PAFAH2: variants seen among roughly 807,000 people sequenced by gnomAD.
PAFAH2 encodes the protein platelet activating factor acetylhydrolase 2.
Under a neutral mutation model 49.0 loss-of-function variants are expected in PAFAH2, and 42 were observed. That is an observed-to-expected ratio of 0.86 (90% CI 0.67 to 1.11). The LOEUF is 1.11. Ranked by LOEUF, PAFAH2 falls within the 50% of genes least tolerant of loss-of-function variation. The pLI is 0.00. For synonymous variants in PAFAH2, 184 were observed against 181.3 expected (o/e 1.01, Z -0.12); for missense variants, 503 against 501.8 (o/e 1.00, Z -0.02).
Position 25,988,448 on chromosome 1 carries a change from C to T in PAFAH2, c.245-121G>A, listed in dbSNP as rs1057293195. On this transcript the variant is annotated intron_variant, in intron 3 of 10. Transcript: ENST00000374282. ...CCCCTCTGGAGAACCACCATCGGCCCCTGAGCAGCTCAGGGCAGTTAATCA... is the reference window on the plus strand; with the variant it reads ...CCCCTCTGGAGAACCACCATCGGCCTCTGAGCAGCTCAGGGCAGTTAATCA... The T allele has an allele frequency of 2.3e-4, 161 of 701,642 alleles. 3 individuals are homozygous for T. The highest frequency in any genetic ancestry group is 1.8e-3 in the South Asian group (114 of 61,820). The allele number at this position is 701,642 out of a possible 1,614,324, so 43.5% of individuals were successfully genotyped here.
chr1:25,974,424 C>T, intron 9 of PAFAH2, 56 bp downstream of exon 9: 1 of 1,446,344 alleles, frequency 6.9e-7, no homozygotes. Flanking sequence ...TTAAGGGCAC[C>T]ACAGCAAGTG....
intron 1 of PAFAH2, among the ~76,000 whole-genome samples, chr1:25,992,633 CAG>C (rs1392401392): frequency 6.6e-6 from 1 of 152,188 alleles, no homozygotes; most frequent in Non-Finnish European, 1.5e-5. Context: ...GATGAGGAAA[CAG>C]ATGCTTGACA....
intron 7 of PAFAH2, among the ~76,000 whole-genome samples, chr1:25,980,976 A>G (rs1223355274): frequency 6.6e-6 from 1 of 152,114 alleles, no homozygotes; most frequent in African/African-American, 2.4e-5. Context: ...TGACAGAGTG[A>G]GGCCCTGTCT....
intron 6 of PAFAH2, 51 bp from the exon 7 acceptor site, chr1:25,982,528 C>T (rs980486721): frequency 3.7e-6 from 5 of 1,360,282 alleles, no homozygotes; most frequent in Admixed American, 1.7e-5. Flanking sequence ...AACTGTCCAG[C>T]GAGAATCTCC....
intron 3 of PAFAH2, 24 bp from the exon 4 acceptor site, chr1:25,988,351 A>G (rs2049818222): frequency 1.9e-6 from 3 of 1,572,452 alleles, no homozygotes; most frequent in Admixed American, 3.4e-5. Flanking sequence ...GGGCTATAGA[A>G]TATCTGGCTG....
At chr1:25,963,108 TG>T (rs1397014490) in intron 10 of PAFAH2, among the ~76,000 whole-genome samples, 1 of 152,122 alleles carries the variant, frequency 6.6e-6, no homozygotes, top group Non-Finnish European at 1.5e-5. Context: ...AGCAGATGAA[TG>T]GTGTCCTTCC....
intron 10 of PAFAH2, among the ~76,000 whole-genome samples, chr1:25,965,783 A>C (rs2049410735): frequency 7.9e-6 from 1 of 126,030 alleles, no homozygotes; most frequent in South Asian, 2.8e-4. Context: ...ACACCACTGC[A>C]CTCCAGCCTG....
At chr1:25,963,491 A>T (rs988400565) in intron 10 of PAFAH2, among the ~76,000 whole-genome samples, 2 of 151,890 alleles carry the variant, frequency 1.3e-5, no homozygotes, top group Admixed American at 6.6e-5. Flanking sequence ...GAAAGGAAGG[A>T]CCCAATGTTT....
chr1:25,964,421 T>C (rs563714128), intron 10 of PAFAH2: 1 of 152,252 alleles, frequency 6.6e-6, no homozygotes, highest in South Asian at 2.1e-4. Flanking sequence ...GTGGTGGTGA[T>C]TTTTCTGGGT....
At chr1:25,971,931 A>G (rs917020589) in intron 10 of PAFAH2, among the ~76,000 whole-genome samples, 5 of 152,156 alleles carry the variant, frequency 3.3e-5, no homozygotes, top group Admixed American at 3.3e-4. Context: ...GTGGGCAATA[A>G]TGAGTCTGGG....
At position 25,976,779 on chromosome 1, in the gene PAFAH2, G is replaced by A; in HGVS notation, c.667-6C>T. The A allele has an allele frequency of 6.2e-7, 1 of 1,611,856 alleles. No homozygotes were observed. ...CGGCTCATGTCAATGTTGCCCTGAG[G>A]AAAGTGGAGAACTTAGCCAAGTCAG... is the stretch of plus-strand genomic sequence containing the variant. On this transcript the variant is annotated splice_polypyrimidine_tract_variant and splice_region_variant and intron_variant, in intron 7 of 10. Transcript: ENST00000374282.
intron 10 of PAFAH2, among the ~76,000 whole-genome samples, chr1:25,965,919 C>A (rs779701677): frequency 2.2e-5 from 3 of 138,634 alleles, no homozygotes; most frequent in Non-Finnish European, 4.7e-5. Context: ...AGGCATTCTG[C>A]AGAAACTGGA....
At chr1:25,983,660 C>A (rs1170587136) in intron 6 of PAFAH2, among the ~76,000 whole-genome samples, 1 of 151,780 alleles carries the variant, frequency 6.6e-6, no homozygotes, top group Non-Finnish European at 1.5e-5. Flanking sequence ...GGATGAAGAA[C>A]AAATCCTGAC....
chr1:25,970,068 G>A (rs541689318), intron 10 of PAFAH2, among the ~76,000 whole-genome samples: 89 of 152,272 alleles, frequency 5.8e-4, no homozygotes, highest in African/African-American at 2.0e-3. Context: ...CAATAAATGC[G>A]TAAGACAGAT....
rs114756851 is a variant in PAFAH2 at position 25,964,540 on chromosome 1, T to C, written c.1085-2457A>G. 4.6e-3 allele frequency among the ~76,000 whole-genome samples: 701 copies of C among 152,238 alleles called. 3 individuals are homozygous for C. The highest frequency in any genetic ancestry group is 0.015 in the African/African-American group (627 of 41,540). The stretch of plus-strand genomic sequence containing the variant: ...AGGCAATAAAGTGAGACACTGTCTC[T>C]ATAAAAAACAAATGAAGAAACAAAC... On this transcript the variant is annotated intron_variant, in intron 10 of 10. Transcript: ENST00000374282.
At chr1:25,995,800 A>AT (rs1240838042) in intron 1 of PAFAH2, among the ~76,000 whole-genome samples, 6 of 152,100 alleles carry the variant, frequency 3.9e-5, no homozygotes, top group East Asian at 3.8e-4. Context: ...TGGGTTTTAT[A>AT]TTTTTTTGTA....
chr1:25,992,006 C>T (rs890288450), intron 1 of PAFAH2, among the ~76,000 whole-genome samples: 9 of 152,164 alleles, frequency 5.9e-5, no homozygotes, highest in African/African-American at 1.7e-4. Flanking sequence ...CTGCCTAATC[C>T]GGAAGCTAAG....
chr1:25,970,618 C>G (rs113319616), intron 10 of PAFAH2, among the ~76,000 whole-genome samples: 1 of 152,132 alleles, frequency 6.6e-6, no homozygotes. Flanking sequence ...GACGGTATCA[C>G]TCTGTTGCCC....
At chr1:25,965,755 T>TCACA (rs1334145959) in intron 10 of PAFAH2, among the ~76,000 whole-genome samples, 1 of 121,056 alleles carries the variant, frequency 8.3e-6, no homozygotes, top group Non-Finnish European at 1.6e-5. Context: ...GGGGCAGAGG[T>TCACA]CACAGTAAGC....
Sources: allele counts gnomAD v4.1 joint callset (sites outside exome capture counted in the v4.1 genomes callset), GRCh38; gene constraint gnomAD v4.1.1; transcripts MANE v1.5; gene names NCBI Gene and HGNC (gene_info 2026-07-23, HGNC 2026-07-21).